The following DPP6 variants were observed in gnomAD, a reference collection of about 807,000 sequenced individuals.
DPP6 encodes A-type potassium channel modulatory protein DPP6.
A neutral mutation model predicts 122.6 loss-of-function variants in DPP6; 69 were observed. The observed-to-expected ratio is 0.56, with a 90% CI of 0.46 to 0.69. The LOEUF (loss-of-function observed/expected upper bound fraction) is 0.69. Among genes scored for constraint, DPP6 ranks in the 30% least tolerant of loss-of-function variants. The pLI, the probability that DPP6 is intolerant of heterozygous loss-of-function variation, is 0.00. For missense variants in DPP6, 928 were observed against 1,116.9 expected, an observed-to-expected ratio of 0.83 and a Z score of 2.41; for synonymous variants, 418 against 433.1, an observed-to-expected ratio of 0.97 and a Z score of 0.43.
chr7:154,216,578 A>T (rs1042771228), intron 1 of DPP6, among the ~76,000 whole-genome samples: 2 of 152,156 alleles, frequency 1.3e-5, no homozygotes, highest in African/African-American at 4.8e-5. Context: ...ACCTTCATCC[A>T]TAAGGAGGTT....
At chr7:154,758,751 T>A (rs1563178574) in intron 8 of DPP6, among the ~76,000 whole-genome samples, 1 of 151,906 alleles carries the variant, frequency 6.6e-6, no homozygotes, top group Non-Finnish European at 1.5e-5. Context: ...TGTTTGTTTG[T>A]TTGTTTGTTT....
chr7:154,560,456 G>C (rs978564928), intron 4 of DPP6, among the ~76,000 whole-genome samples: 4 of 152,186 alleles, frequency 2.6e-5, no homozygotes, highest in Non-Finnish European at 5.9e-5. Context: ...TTAAAGGACA[G>C]ATTTCCTATA....
the DPP6 span, among the ~76,000 whole-genome samples, chr7:153,803,046 G>T: frequency 6.6e-6 from 1 of 151,142 alleles, no homozygotes; most frequent in Non-Finnish European, 1.5e-5. Context: ...GTGAGAGCAT[G>T]GTCTCTCATG....
At chr7:153,890,169 C>T (rs1408054079) in intron 1 of DPP6, among the ~76,000 whole-genome samples, 1 of 152,220 alleles carries the variant, frequency 6.6e-6, no homozygotes, top group Non-Finnish European at 1.5e-5. Flanking sequence ...CAAAAAGTGG[C>T]AGAATGTTTT....
rs1489811189 is a variant in DPP6 at position 153,920,561 on chromosome 7, C to CTTTTTT, written c.51+32828_51+32829insTTTTTT. On this transcript the variant is annotated intron_variant, in intron 1 of 25. Transcript: ENST00000404039. ...TAGTCAACCTTTTTCTTTTATCTCT[C>CTTTTTT]TCTTTTTTTTTTTTTTTTTGAGATG... Among the ~76,000 whole-genome samples, 199 of 62,438 alleles carry CTTTTTT rather than the reference C, an allele frequency of 3.2e-3. 6 individuals carry two copies. The highest frequency in any genetic ancestry group is 4.6e-3 in the African/African-American group (61 of 13,380). The allele number at this position is 62,438 out of a possible 152,430, so 41.0% of individuals were successfully genotyped here.
chr7:154,729,522 A>AG (rs1466919519), intron 8 of DPP6, among the ~76,000 whole-genome samples: 1 of 152,236 alleles, frequency 6.6e-6, no homozygotes, highest in Admixed American at 6.5e-5. Context: ...CAGTTTGATG[A>AG]GTTTGGCAAA....
rs1219403766 is a variant in DPP6, at chr7:154,876,200, A to G, written c.2078+100A>G. 8 of 1,388,186 alleles carry G rather than the reference A, an allele frequency of 5.8e-6. No individual in the cohort carries two copies. The East Asian group carries it at 2.1e-4, about 36-fold the overall frequency. The allele number at this position is 1,388,186 out of a possible 1,614,324, so 86.0% of individuals were successfully genotyped here. A position where few individuals can be genotyped will look rare whatever the true frequency, so the allele number is the denominator to read the frequency against. On this transcript the variant is annotated intron_variant, in intron 20 of 25. Coordinates refer to ENST00000377770, the MANE Select transcript of DPP6 (RefSeq NM_130797.4). Reference sequence around the variant, plus strand: ...GTGCGGGAATGCTTTTTCTCCACGCACACATTTTTCATGCAATTTGCTCTT... The same window carrying G: ...GTGCGGGAATGCTTTTTCTCCACGCGCACATTTTTCATGCAATTTGCTCTT...
chr7:154,803,774 A>T, intron 13 of DPP6, 90 bp from the exon 14 acceptor site: 2 of 1,504,020 alleles, frequency 1.3e-6, no homozygotes, highest in Non-Finnish European at 1.8e-6. Flanking sequence ...AGCCCCTGTC[A>T]CCTGGTGTCC....
chr7:154,121,792 C>T (rs560631082), intron 1 of DPP6, among the ~76,000 whole-genome samples: 2 of 152,334 alleles, frequency 1.3e-5, no homozygotes, highest in African/African-American at 4.8e-5. Flanking sequence ...ATATACCTCG[C>T]TTCTAATGTA....
upstream of DPP6, among the ~76,000 whole-genome samples, chr7:153,885,290 C>T (rs966049092): frequency 1.3e-5 from 2 of 152,042 alleles, no homozygotes; most frequent in Admixed American, 6.5e-5. Context: ...TAAGTGTTCC[C>T]TTCTTGAGAA....
the DPP6 span, among the ~76,000 whole-genome samples, chr7:153,852,729 A>C: frequency 6.6e-6 from 1 of 152,152 alleles, no homozygotes; most frequent in African/African-American, 2.4e-5. Flanking sequence ...TTACTTACCA[A>C]ACACTTATTT....
rs762114048 is a variant in DPP6 at position 154,892,504 on chromosome 7, C to T, written c.*24C>T. On this transcript the variant is annotated 3_prime_UTR_variant, in exon 26 of 26. Coordinates refer to ENST00000377770, the MANE Select transcript of DPP6 (RefSeq NM_130797.4). The stretch of plus-strand genomic sequence containing the variant: ...AAGCTCAGGTCGCTCTAAGCACAAA[C>T]GTGGCTCTTTCTACAACCAGATGCA... 40 of 1,497,374 alleles carry T rather than the reference C, an allele frequency of 2.7e-5. No individual in the cohort carries two copies. In the South Asian group the frequency reaches 4.2e-4, roughly 16 times the overall value. 92.8% of individuals were successfully genotyped at this position (1,497,374 alleles called of 1,614,324 possible).
At chr7:154,469,537 G>A (rs1382090519) in intron 2 of DPP6, among the ~76,000 whole-genome samples, 1 of 152,026 alleles carries the variant, frequency 6.6e-6, no homozygotes, top group African/African-American at 2.4e-5. Context: ...TCTGCCAGTG[G>A]GACAGTTTAA....
intron 1 of DPP6, among the ~76,000 whole-genome samples, chr7:154,322,966 C>A (rs975268445): frequency 6.6e-6 from 1 of 151,920 alleles, no homozygotes; most frequent in African/African-American, 2.4e-5. Flanking sequence ...TACCACCATA[C>A]AAACCGAGAT....
At chr7:154,187,196 ATTTG>A (rs1798391839) in intron 1 of DPP6, among the ~76,000 whole-genome samples, 1 of 152,180 alleles carries the variant, frequency 6.6e-6, no homozygotes, top group African/African-American at 2.4e-5. Flanking sequence ...TATACCACTA[ATTTG>A]TTCTCTTTAA....
At chr7:154,078,624 T>G (rs182716544) in intron 1 of DPP6, among the ~76,000 whole-genome samples, 1 of 152,292 alleles carries the variant, frequency 6.6e-6, no homozygotes, top group East Asian at 1.9e-4. Context: ...CTGTAGGATA[T>G]AAATTAAGAC....
rs190788162 is a variant in DPP6, at chr7:154,208,751, C to A, written c.243+155688C>A. ...GTTTTCATCTTTGGCATTAAAAAATCAGGTCTTGGAATTGAAGTAAAAAAA... is the reference window on the plus strand; with the variant it reads ...GTTTTCATCTTTGGCATTAAAAAATAAGGTCTTGGAATTGAAGTAAAAAAA... On this transcript the variant is annotated intron_variant, in intron 1 of 25. Coordinates refer to ENST00000377770, the MANE Select transcript of DPP6 (RefSeq NM_130797.4). Among the ~76,000 whole-genome samples, 7 of 151,698 alleles carry A rather than the reference C, an allele frequency of 4.6e-5. No homozygotes were observed. In the East Asian group the frequency reaches 1.4e-3, roughly 29 times the overall value.
At chr7:153,843,816 G>T in the DPP6 span, among the ~76,000 whole-genome samples, 2 of 152,138 alleles carry the variant, frequency 1.3e-5, no homozygotes, top group African/African-American at 2.4e-5. Flanking sequence ...AGGAACAGTT[G>T]CAGCAAAAGC....
intron 3 of DPP6, among the ~76,000 whole-genome samples, chr7:154,500,633 C>A (rs577483415): frequency 6.6e-6 from 1 of 152,274 alleles, no homozygotes; most frequent in Non-Finnish European, 1.5e-5. Flanking sequence ...ATGAGACATG[C>A]CTTTTACCTT....
Sources: allele counts gnomAD v4.1 joint callset (sites outside exome capture counted in the v4.1 genomes callset), GRCh38; gene constraint gnomAD v4.1.1; transcripts MANE v1.5; gene names NCBI Gene and HGNC (gene_info 2026-07-23, HGNC 2026-07-21).